Variants in RAPGEFL1 observed in about 807,000 individuals in gnomAD.
RAPGEFL1 encodes rap guanine nucleotide exchange factor-like 1.
RAPGEFL1 carries 31 observed loss-of-function variants against 64.4 expected under a neutral mutation model. That is an observed-to-expected ratio of 0.48 (90% CI 0.36 to 0.65). The LOEUF is 0.65. RAPGEFL1 is among the 30% of genes least tolerant of loss of function. The pLI, the probability that RAPGEFL1 is intolerant of heterozygous loss-of-function variation, is 0.00. For synonymous variants in RAPGEFL1, 331 were observed against 274.1 expected, an observed-to-expected ratio of 1.21 and a Z score of -2.05; for missense variants, 682 against 677.4, an observed-to-expected ratio of 1.01 and a Z score of -0.08.
chr17:40,192,126 C>T (rs1308181691), intron 10 of RAPGEFL1, 87 bp from the exon 11 acceptor site: 9 of 1,323,844 alleles, frequency 6.8e-6, no homozygotes, highest in African/African-American at 1.5e-5. Flanking sequence ...CCCTTTTGCC[C>T]TCCAACAGGG....
chr17:40,183,291 G>A (rs1989948602), intron 2 of RAPGEFL1, among the ~76,000 whole-genome samples: 1 of 152,176 alleles, frequency 6.6e-6, no homozygotes, highest in African/African-American at 2.4e-5. Context: ...GCTGGTCAGA[G>A]GTTGGATGGG....
chr17:40,179,510 G>T (rs982767471), intron 1 of RAPGEFL1, among the ~76,000 whole-genome samples: 2 of 123,186 alleles, frequency 1.6e-5, no homozygotes, highest in African/African-American at 6.2e-5. Flanking sequence ...GTGAGCCACC[G>T]GACCTGGCAC....
rs1990284495 is a variant in RAPGEFL1, at chr17:40,191,818, G to A, written c.1605+146G>A. Reference sequence around the variant, plus strand: ...CTCTTCTGGCATACGCAACCCCAGGGCGCACAGCTTGGCTAATGGACCCTG... The same window carrying A: ...CTCTTCTGGCATACGCAACCCCAGGACGCACAGCTTGGCTAATGGACCCTG... On this transcript the variant is annotated intron_variant, in intron 10 of 14. Coordinates refer to ENST00000620260, the MANE Select transcript of RAPGEFL1 (RefSeq NM_016339.6). This position sits in a 1 kb window ranked among gnomAD's most constrained non-coding sequence, Gnocchi z 5.1. 1 of 801,364 alleles carries A rather than the reference G, an allele frequency of 1.2e-6. No individual in the cohort carries two copies. 49.6% of individuals were successfully genotyped at this position (801,364 alleles called of 1,614,324 possible).
chr17:40,179,679 T>C (rs553544749), intron 1 of RAPGEFL1, among the ~76,000 whole-genome samples: 2 of 152,292 alleles, frequency 1.3e-5, no homozygotes, highest in African/African-American at 4.8e-5. Context: ...GAGGGTTCTT[T>C]AGGTCTAGCT....
intron 2 of RAPGEFL1, among the ~76,000 whole-genome samples, chr17:40,183,540 A>T: frequency 3.6e-5 from 4 of 111,284 alleles, no homozygotes; most frequent in Admixed American, 1.0e-4. Flanking sequence ...TTTTTTTGAG[A>T]TGGAGTTTTG....
At chr17:40,177,306 G>A, upstream of RAPGEFL1, 1 of 702,510 alleles carries the variant, frequency 1.4e-6, no homozygotes. Context: ...ACTTACCTTT[G>A]CCCTTAATTT....
intron 1 of RAPGEFL1, among the ~76,000 whole-genome samples, chr17:40,180,157 T>C (rs1193681060): frequency 6.6e-6 from 1 of 152,190 alleles, no homozygotes; most frequent in Non-Finnish European, 1.5e-5. Context: ...GGCCTCTCGT[T>C]TCCTCACCCT....
At position 40,177,870 on chromosome 17, in the gene RAPGEFL1, G is replaced by A. The variant is rs1989763680; in HGVS notation, c.9G>A (p.Pro3=). Residue 3 remains proline (P), a synonymous_variant, in exon 1 of 15, where the codon CCG becomes CCA. Coordinates refer to ENST00000620260, the MANE Select transcript of RAPGEFL1 (RefSeq NM_016339.6). ...GAGGGGCGGGGGGGGGCATGAAGCC[G>A]CTGGAGAAATTTCTGAAGAAGCAGA... MK[P]LEKFLKKQTS... is the part of the protein sequence containing the mutation. The A allele has an allele frequency of 7.0e-6, 3 of 426,052 alleles. No individual in the cohort carries two copies. Among genetic ancestry groups the A allele is most frequent in the Non-Finnish European group, 1.2e-5 (3 of 240,194 alleles). The allele number at this position is 426,052 out of a possible 1,614,324, so 26.4% of individuals were successfully genotyped here.
chr17:40,192,323 C>T (rs2145225957), intron 11 of RAPGEFL1, 60 bp downstream of exon 11: 3 of 1,523,224 alleles, frequency 2.0e-6, no homozygotes, highest in South Asian at 1.1e-5. Flanking sequence ...CCCTCTGTTC[C>T]CATAAACCCC....
chr17:40,190,072 G>A (rs143931149), intron 6 of RAPGEFL1, among the ~76,000 whole-genome samples: 104 of 152,296 alleles, frequency 6.8e-4, no homozygotes, highest in East Asian at 4.2e-3. Context: ...TGTATGTAAG[G>A]ATGCCACATT....
chr17:40,193,120 C>T, intron 13 of RAPGEFL1, 130 bp downstream of exon 13: 1 of 1,017,802 alleles, frequency 9.8e-7, no homozygotes, highest in Non-Finnish European at 1.5e-6. Context: ...TCTTGACTGT[C>T]TCCCTGGTGG....
At chr17:40,184,126 G>A in intron 2 of RAPGEFL1, 88 bp from the exon 3 acceptor site, 1 of 990,416 alleles carries the variant, frequency 1.0e-6, no homozygotes, top group Non-Finnish European at 1.6e-6. Flanking sequence ...TTATAGGCGT[G>A]AGCCACTGCG....
In RAPGEFL1 at chr17:40,191,720, C is replaced by G. The variant is rs1990279760; in HGVS notation, c.1605+48C>G. Reference sequence around the variant, plus strand: ...TACCTGGGAATCTGGGCATCCCGGGCTCCCCGAAGTGCGTCCTCCCGGGAC... The same window carrying G: ...TACCTGGGAATCTGGGCATCCCGGGGTCCCCGAAGTGCGTCCTCCCGGGAC... On this transcript the variant is annotated intron_variant, in intron 10 of 14. Transcript: ENST00000620260. This position sits in a 1 kb window ranked among gnomAD's most constrained non-coding sequence, Gnocchi z 5.1. The G allele has an allele frequency of 6.4e-7, 1 of 1,559,396 alleles. No individual in the cohort carries two copies. The highest frequency in any genetic ancestry group is 1.3e-5 in the African/African-American group (1 of 74,082).
At position 40,177,801 on chromosome 17, in the gene RAPGEFL1, C is replaced by A. The variant is rs553337717; in HGVS notation, c.-61C>A. 1.9e-5 allele frequency: 8 copies of A among 410,482 alleles called. No homozygotes were observed. Among genetic ancestry groups the A allele is most frequent in the Admixed American group, 4.4e-5 (1 of 22,712 alleles). The allele number at this position is 410,482 out of a possible 1,614,324, so 25.4% of individuals were successfully genotyped here. On this transcript the variant is annotated 5_prime_UTR_variant, in exon 1 of 15. Transcript: ENST00000620260. ...GAGCATCGTGTCTTCGCCGCCCCCC[C>A]CGCCCGCGCCTGGGATACCTGGGTC...
Position 40,191,571 on chromosome 17 carries a change from C to G in RAPGEFL1, c.1515-11C>G. 6.3e-7 allele frequency: 1 copy of G among 1,599,074 alleles called. No homozygotes were observed. Among genetic ancestry groups the G allele is most frequent in the Middle Eastern group, 1.9e-4 (1 of 5,214 alleles). On this transcript the variant is annotated splice_polypyrimidine_tract_variant and intron_variant, in intron 9 of 14. Transcript: ENST00000620260. This position sits in a 1 kb window ranked among gnomAD's most constrained non-coding sequence, Gnocchi z 5.1. Reference sequence around the variant, plus strand: ...GCCGCCCGCCCCTGACCCCGCCTCCCACCCCCGCAGCTGCAAGCAGAACCA... The same window carrying G: ...GCCGCCCGCCCCTGACCCCGCCTCCGACCCCCGCAGCTGCAAGCAGAACCA...
intron 1 of RAPGEFL1, chr17:40,181,111 T>G (rs1266575532): frequency 5.9e-6 from 2 of 341,782 alleles, no homozygotes; most frequent in Non-Finnish European, 1.2e-5. Flanking sequence ...GATGGCAGTC[T>G]CTCCATCTCC....
chr17:40,184,082 G>T (rs1301096036), intron 2 of RAPGEFL1, 132 bp from the exon 3 acceptor site: 3 of 749,668 alleles, frequency 4.0e-6, no homozygotes, highest in Non-Finnish European at 4.7e-6. Flanking sequence ...GACCTCAGGT[G>T]ATCCGCCCGC....
rs1989769222 is a variant in RAPGEFL1, at chr17:40,178,007, G to T, written c.146G>T (p.Gly49Val). The T allele has an allele frequency of 2.0e-6, 1 of 506,322 alleles. No homozygotes were observed. The highest frequency in any genetic ancestry group is 3.5e-5 in the East Asian group (1 of 28,542). 31.4% of individuals were successfully genotyped at this position (506,322 alleles called of 1,614,324 possible). A position where few individuals can be genotyped will look rare whatever the true frequency, so the allele number is the denominator to read the frequency against. The change falls in exon 1 of 15, where the codon GGA becomes GTA. Residue 49 changes from glycine (G) to valine (V), a missense_variant. Physicochemically the swap from Gly to Val is moderately radical, Grantham distance 109. This residue lies in a region of RAPGEFL1 where 271 missense variants were observed against 158.0 expected (regional missense o/e 1.72). Coordinates refer to ENST00000620260, the MANE Select transcript of RAPGEFL1 (RefSeq NM_016339.6). ...GPGGGGGPAG[G>V]QRSLQRRQSV... ...GGCGGGGGCGGCGGTCCAGCCGGGG[G>T]ACAGCGGTCGTTGCAGCGGCGTCAG...
Position 40,190,521 on chromosome 17 carries a change from A to G in RAPGEFL1, c.1202A>G (p.Tyr401Cys), listed in dbSNP as rs775790137. The change falls in exon 7 of 15, where the codon TAT becomes TGT. Residue 401 changes from tyrosine to cysteine, a missense_variant. Tyr to Cys is a radical substitution (Grantham distance 194). This residue lies in a region of RAPGEFL1 where 411 missense variants were observed against 519.4 expected (regional missense o/e 0.79). Coordinates refer to ENST00000620260, the MANE Select transcript of RAPGEFL1 (RefSeq NM_016339.6). Reference protein sequence around the residue: ...SHLFACTRDSYEALVPLPEEI... With the variant: ...SHLFACTRDSCEALVPLPEEI... ...CTGTTTGCCTGTACTCGGGACAGCTATGAGGCTCTGGTAAGAACTTCCCAA... is the reference window on the plus strand; with the variant it reads ...CTGTTTGCCTGTACTCGGGACAGCTGTGAGGCTCTGGTAAGAACTTCCCAA... 5 of 1,614,180 alleles carry G rather than the reference A, an allele frequency of 3.1e-6. No homozygotes were observed. The highest frequency in any genetic ancestry group is 3.4e-6 in the Non-Finnish European group (4 of 1,180,028).
Sources: gnomAD v4.1 joint callset for allele counts (sites outside exome capture counted in the v4.1 genomes callset) on GRCh38, gnomAD v4.1.1 for gene constraint, gnomAD v4.1.1 regional missense constraint, Gnocchi (gnomAD v3.1) non-coding constraint, MANE v1.5 for transcripts, NCBI Gene and HGNC (gene_info 2026-07-23, HGNC 2026-07-21) for gene names.